The following NCEH1 variants were observed in gnomAD, a reference collection of about 807,000 sequenced individuals.
The protein encoded by NCEH1 is 2-acetyl MAGE hydrolase.
A neutral mutation model predicts 25.4 loss-of-function variants in NCEH1; 9 were observed. That is an observed-to-expected ratio of 0.35 (90% CI 0.21 to 0.62). NCEH1 has a LOEUF of 0.62. NCEH1 is among the 20% of genes least tolerant of loss of function. NCEH1 has a pLI of 0.72. For synonymous variants in NCEH1, 200 were observed against 199.8 expected (o/e 1.00, Z -0.01); for missense variants, 412 against 501.1 (o/e 0.82, Z 1.70).
chr3:172,649,235 C>CAT (rs201062775), intron 1 of NCEH1, among the ~76,000 whole-genome samples: 71 of 151,226 alleles, frequency 4.7e-4, no homozygotes, highest in African/African-American at 9.2e-4. Flanking sequence ...TATATACATA[C>CAT]ATATATATAT....
intron 1 of NCEH1, among the ~76,000 whole-genome samples, chr3:172,708,778 A>G (rs996277443): frequency 1.3e-5 from 2 of 152,150 alleles, no homozygotes; most frequent in Admixed American, 6.5e-5. Flanking sequence ...ACAATCCACA[A>G]TGGACCCTTG....
chr3:172,692,524 A>AT (rs34654558), intron 1 of NCEH1, among the ~76,000 whole-genome samples: 25,869 of 148,262 alleles, frequency 0.17, 2,477 homozygotes, highest in Non-Finnish European at 0.22. Flanking sequence ...CACCTGGCTA[A>AT]TTTTTTTTTT....
intron 3 of NCEH1, among the ~76,000 whole-genome samples, chr3:172,638,365 A>T (rs1033295483): frequency 2.5e-4 from 38 of 149,660 alleles, no homozygotes; most frequent in Non-Finnish European, 5.2e-4. Context: ...TTATTTTTCC[A>T]TCTGGGGTGG....
chr3:172,674,743 C>G (rs1024482931), intron 1 of NCEH1, among the ~76,000 whole-genome samples: 5 of 152,188 alleles, frequency 3.3e-5, no homozygotes. Flanking sequence ...CGCAATAGAA[C>G]TATACACTGT....
intron 1 of NCEH1, among the ~76,000 whole-genome samples, chr3:172,690,111 G>C (rs924207963): frequency 3.9e-5 from 6 of 152,088 alleles, no homozygotes; most frequent in Non-Finnish European, 8.8e-5. Context: ...CACCATGTTA[G>C]CCAGGATGGT....
At chr3:172,684,154 T>G (rs946905568) in intron 1 of NCEH1, among the ~76,000 whole-genome samples, 4 of 152,240 alleles carry the variant, frequency 2.6e-5, no homozygotes, top group Admixed American at 2.6e-4. Flanking sequence ...ATTCGTTCAC[T>G]GCTTCACCCT....
At position 172,711,018 on chromosome 3, in the gene NCEH1, A is replaced by G. The variant is rs757370773; in HGVS notation, c.-34T>C. On this transcript the variant is annotated 5_prime_UTR_variant, in exon 1 of 5. Transcript: ENST00000475381. ...GGCTCGGCTCGCCAGCGGGCTGGCA[A>G]AGAGGAAAGGGCGATACCACCCGGA... is the stretch of plus-strand genomic sequence containing the variant. 6.2e-7 allele frequency: 1 copy of G among 1,613,798 alleles called. No individual in the cohort carries two copies. The highest frequency in any genetic ancestry group is 8.5e-7 in the Non-Finnish European group (1 of 1,179,978).
chr3:172,708,381 G>A (rs1350165516), intron 1 of NCEH1, among the ~76,000 whole-genome samples: 1 of 152,124 alleles, frequency 6.6e-6, no homozygotes, highest in Non-Finnish European at 1.5e-5. Flanking sequence ...TTGAGACAGA[G>A]TTTCACTCTT....
chr3:172,662,945 T>C (rs142264011), intron 1 of NCEH1, among the ~76,000 whole-genome samples: 2,015 of 152,336 alleles, frequency 0.013, 42 homozygotes, highest in East Asian at 0.091. Context: ...GAAGGGTTTT[T>C]TGTGTCTCTA....
chr3:172,707,718 CG>C (rs1576788671), intron 1 of NCEH1, among the ~76,000 whole-genome samples: 1 of 152,054 alleles, frequency 6.6e-6, no homozygotes, highest in East Asian at 1.9e-4. Flanking sequence ...CCCGAGTAGC[CG>C]GGACTACAGG....
At chr3:172,640,660 A>G (rs1716808605) in intron 3 of NCEH1, among the ~76,000 whole-genome samples, 1 of 152,150 alleles carries the variant, frequency 6.6e-6, no homozygotes, top group Non-Finnish European at 1.5e-5. Context: ...GGCGCCCGCC[A>G]CCGCACCTGG....
intron 1 of NCEH1, among the ~76,000 whole-genome samples, chr3:172,694,378 ATGTGTGTGTGTGTGTCTGTGTGTG>A (rs1237171494): frequency 6.6e-6 from 1 of 151,236 alleles, no homozygotes; most frequent in African/African-American, 2.4e-5. Context: ...AGTTATATAT[ATGTGTGTGTGTGTGTCTGTGTGTG>A]TGTGTGTGTG....
chr3:172,692,305 G>C (rs979749806), intron 1 of NCEH1, among the ~76,000 whole-genome samples: 3 of 152,076 alleles, frequency 2.0e-5, no homozygotes, highest in Admixed American at 6.6e-5. Context: ...TTGGCCACCA[G>C]GAGTTAAATG....
chr3:172,675,672 T>C (rs1364406118), intron 1 of NCEH1, among the ~76,000 whole-genome samples: 4 of 152,206 alleles, frequency 2.6e-5, no homozygotes, highest in Non-Finnish European at 5.9e-5. Flanking sequence ...GTTATAAAAA[T>C]GGCCTAAGCC....
intron 1 of NCEH1, among the ~76,000 whole-genome samples, chr3:172,705,250 C>G (rs1379867111): frequency 1.3e-5 from 2 of 152,158 alleles, no homozygotes; most frequent in South Asian, 2.1e-4. Context: ...CTCAAGTGAT[C>G]CTTGCACCTC....
At position 172,632,441 on chromosome 3, in the gene NCEH1, AACAAT is replaced by A. The variant is rs1716403964; in HGVS notation, c.*1029_*1033del. 6.6e-6 allele frequency: 1 copy of A among 152,568 alleles called. No individual in the cohort carries two copies. The highest frequency in any genetic ancestry group is 1.5e-5 in the Non-Finnish European group (1 of 68,024). The allele number at this position is 152,568 out of a possible 1,614,324, so 9.5% of individuals were successfully genotyped here. A position where few individuals can be genotyped will look rare whatever the true frequency, so the allele number is the denominator to read the frequency against. On this transcript the variant is annotated 3_prime_UTR_variant, in exon 5 of 5. Transcript: ENST00000475381. The stretch of plus-strand genomic sequence containing the variant: ...TAACATTAAATAACTTAAAAAAATA[AACAAT>A]ACATTATATTGTAGCAAAATAGCTC...
At chr3:172,682,163 T>C (rs1311825347) in intron 1 of NCEH1, among the ~76,000 whole-genome samples, 1 of 152,194 alleles carries the variant, frequency 6.6e-6, no homozygotes, top group Non-Finnish European at 1.5e-5. Context: ...TCAGGAAAAC[T>C]GCCACTTCAA....
chr3:172,638,800 A>G (rs1024970029), intron 3 of NCEH1, among the ~76,000 whole-genome samples: 2 of 152,202 alleles, frequency 1.3e-5, no homozygotes, highest in African/African-American at 4.8e-5. Flanking sequence ...GATCAAAGGC[A>G]ATTGGTAACC....
In NCEH1 at chr3:172,636,083, T is replaced by C. The variant is rs972472912; in HGVS notation, c.442A>G (p.Arg148Gly). Residue 148 changes from arginine (R) to glycine (G), a missense_variant, in exon 4 of 5, where the codon AGG becomes GGG. Around this residue, in one of 3 missense-constraint regions of NCEH1, gnomAD observed 178 missense variants for 189.2 expected, o/e 0.94. Coordinates refer to ENST00000475381, the MANE Select transcript of NCEH1 (RefSeq NM_020792.6). ...LNAVIVSIEY[R>G]LVPKVYFPEQ... ...GGAAAATAAACCTTTGGAACTAGCC[T>C]GTATCTGTAAAAACAAAAGTTGTAT... 6 of 1,610,498 alleles carry C rather than the reference T, an allele frequency of 3.7e-6. No homozygotes were observed. In the African/African-American group the frequency reaches 6.7e-5, roughly 18 times the overall value.
Sources: gnomAD v4.1 joint callset for allele counts (sites outside exome capture counted in the v4.1 genomes callset) on GRCh38, gnomAD v4.1.1 for gene constraint, gnomAD v4.1.1 regional missense constraint, MANE v1.5 for transcripts, NCBI Gene and HGNC (gene_info 2026-07-23, HGNC 2026-07-21) for gene names.